Variants in SLC24A1 observed in about 807,000 individuals in gnomAD.
SLC24A1 encodes the protein sodium/potassium/calcium exchanger 1.
In SLC24A1, 52 loss-of-function variants were observed where a neutral mutation model predicts 88.1. That is an observed-to-expected ratio of 0.59 (90% CI 0.47 to 0.74). SLC24A1 has a LOEUF of 0.74. Among genes scored for constraint, SLC24A1 ranks in the 30% least tolerant of loss-of-function variants. SLC24A1 has a pLI of 0.00. For synonymous variants in SLC24A1, 455 were observed against 498.0 expected (o/e 0.91, Z 1.15); for missense variants, 1,173 against 1,363.3 (o/e 0.86, Z 2.20).
At position 65,654,440 on chromosome 15, in the gene SLC24A1, C is replaced by T; in HGVS notation, c.*361C>T. 1 of 1,165,788 alleles carries T rather than the reference C, an allele frequency of 8.6e-7. No individual in the cohort carries two copies. The highest frequency in any genetic ancestry group is 1.8e-5 in the South Asian group (1 of 55,340). 72.2% of individuals were successfully genotyped at this position (1,165,788 alleles called of 1,614,324 possible). Reference sequence around the variant, plus strand: ...AGACAAGCTCCTACGCTCACTGTTCCCTGATCATTCCAAAGGCTGCTGGCC... The same window carrying T: ...AGACAAGCTCCTACGCTCACTGTTCTCTGATCATTCCAAAGGCTGCTGGCC... On this transcript the variant is annotated 3_prime_UTR_variant, in exon 10 of 10. Coordinates refer to ENST00000261892, the MANE Select transcript of SLC24A1 (RefSeq NM_004727.3).
intron 2 of SLC24A1, among the ~76,000 whole-genome samples, chr15:65,614,405 G>C (rs1188626284): frequency 6.6e-6 from 1 of 152,154 alleles, no homozygotes; most frequent in Non-Finnish European, 1.5e-5. Context: ...ATATTCAGTT[G>C]TGTCATAAAT....
chr15:65,633,585 A>G (rs2074806198), intron 2 of SLC24A1, among the ~76,000 whole-genome samples: 1 of 151,830 alleles, frequency 6.6e-6, no homozygotes, highest in Admixed American at 6.6e-5. Context: ...GCTTAAACCC[A>G]GGAGGCAGAG....
downstream of SLC24A1, chr15:65,659,019 T>C (rs2075764492): frequency 6.6e-6 from 1 of 152,078 alleles, no homozygotes. Flanking sequence ...CAGCTGCATA[T>C]TTCTCCACCT....
In SLC24A1 at chr15:65,624,206, G is replaced by A; in HGVS notation, c.126G>A (p.Arg42=). 6.2e-7 allele frequency: 1 copy of A among 1,613,844 alleles called. No homozygotes were observed. Residue 42 remains arginine (R), a synonymous_variant, in exon 2 of 10, where the codon AGG becomes AGA. Transcript: ENST00000261892. ...LIIGSTYQHL[R]RPRGLSSLWA... ...TCGGTTCTACTTATCAGCACCTTAG[G>A]AGACCCCGGGGCCTTTCCTCATTGT... is the stretch of plus-strand genomic sequence containing the variant.
rs199960683 is a variant in SLC24A1, at chr15:65,650,639, C to A, written c.2490C>A (p.Ser830Arg). The A allele has an allele frequency of 3.2e-6, 5 of 1,549,288 alleles. No individual in the cohort carries two copies. The African/African-American group carries it at 4.1e-5, about 13-fold the overall frequency. ...EMKGNEGETE[S>R]QELSAENHGE... ...AAGGTAATGAAGGTGAAACTGAAAG[C>A]CAGGAACTCAGTGCTGAAAATCACG... The change falls in exon 7 of 10, where the codon AGC becomes AGA. Residue 830 changes from serine (S) to arginine (R), a missense_variant. Physicochemically the swap from Ser to Arg is moderately radical, Grantham distance 110 (BLOSUM62 -1). Transcript: ENST00000261892. This position sits in a 1 kb window ranked among gnomAD's most constrained non-coding sequence, Gnocchi z 4.1.
chr15:65,642,933 A>G (rs1335592076), intron 4 of SLC24A1: 7 of 1,108,098 alleles, frequency 6.3e-6, no homozygotes, highest in Non-Finnish European at 8.5e-6. Flanking sequence ...ATTATGGACT[A>G]GATGATCTCC....
intron 1 of SLC24A1, among the ~76,000 whole-genome samples, chr15:65,623,638 C>T (rs769480381): frequency 1.3e-5 from 2 of 152,146 alleles, no homozygotes; most frequent in Non-Finnish European, 2.9e-5. Context: ...TAGGCTTGGA[C>T]CTGAAGAGTA....
intron 2 of SLC24A1, among the ~76,000 whole-genome samples, chr15:65,629,231 CT>C (rs2074623064): frequency 6.6e-6 from 1 of 152,186 alleles, no homozygotes; most frequent in South Asian, 2.1e-4. Flanking sequence ...GCTGGAGCAT[CT>C]TTCACTTTAC....
At chr15:65,642,255 T>G (rs1422529160) in intron 4 of SLC24A1, among the ~76,000 whole-genome samples, 1 of 152,184 alleles carries the variant, frequency 6.6e-6, no homozygotes, top group Non-Finnish European at 1.5e-5. Flanking sequence ...TTTACAGGTG[T>G]TCCAGCTCTT....
rs968228669 is a variant in SLC24A1 at position 65,655,432 on chromosome 15, G to A, written c.*1353G>A. 5 of 985,240 alleles carry A rather than the reference G, an allele frequency of 5.1e-6. No homozygotes were observed. In the African/African-American group the frequency reaches 8.7e-5, roughly 17 times the overall value. 61.0% of individuals were successfully genotyped at this position (985,240 alleles called of 1,614,324 possible). The stretch of plus-strand genomic sequence containing the variant: ...GAGAAAAGTGCAGTACTACTTCCAA[G>A]GTAGCTAGTGTAAAGGACACTTGAG... On this transcript the variant is annotated 3_prime_UTR_variant, in exon 10 of 10. Transcript: ENST00000261892.
Position 65,625,094 on chromosome 15 carries a change from C to T in SLC24A1, c.1014C>T (p.Ala338=), listed in dbSNP as rs1163259208. The T allele has an allele frequency of 6.2e-7, 1 of 1,613,564 alleles. No homozygotes were observed. Among genetic ancestry groups the T allele is most frequent in the Non-Finnish European group, 8.5e-7 (1 of 1,179,896 alleles). ...GCAGCAGCCCAGCAGAAACCAAAGC[C>T]TTCACTGCTGCCTGGAGTCTTAGGA... ...MTGSSPAETK[A]FTAAWSLRNP... Residue 338 remains alanine, a synonymous_variant, in exon 2 of 10, where the codon GCC becomes GCT. Coordinates refer to ENST00000261892, the MANE Select transcript of SLC24A1 (RefSeq NM_004727.3).
In SLC24A1 at chr15:65,652,799, T is replaced by C; in HGVS notation, c.3041T>C (p.Ile1014Thr). The C allele has an allele frequency of 6.8e-6, 11 of 1,606,088 alleles. No individual in the cohort carries two copies. Among genetic ancestry groups the C allele is most frequent in the Non-Finnish European group, 8.5e-6 (10 of 1,173,836 alleles). Reference protein sequence around the residue: ...SSSVGSNIFDITVGLPVPWLL... With the variant: ...SSSVGSNIFDTTVGLPVPWLL... ...TCTGTGGGCAGTAACATATTTGATA[T>C]CACTGTGGGGTGAGTGGCAATGTAA... The change falls in exon 9 of 10, where the codon ATC (isoleucine) becomes ACC (threonine). Residue 1014 changes from isoleucine to threonine, a missense_variant. Physicochemically the swap from Ile to Thr is moderately conservative, Grantham distance 89 (BLOSUM62 -1). Transcript: ENST00000261892.
intron 4 of SLC24A1, among the ~76,000 whole-genome samples, chr15:65,642,190 G>A (rs2075151570): frequency 6.6e-6 from 1 of 152,212 alleles, no homozygotes; most frequent in Non-Finnish European, 1.5e-5. Flanking sequence ...CTCTCTAGAT[G>A]CACATTTGTG....
chr15:65,645,703 G>A lies in SLC24A1; in HGVS notation c.2232G>A (p.Gln744=). 1 of 1,567,004 alleles carries A rather than the reference G, an allele frequency of 6.4e-7. No individual in the cohort carries two copies. The highest frequency in any genetic ancestry group is 8.7e-7 in the Non-Finnish European group (1 of 1,155,504). ...ATCAGAAGGAGAATCCAGGCGGTCA[G>A]GTAGGCACCCAGCCTTGGCACAGAC... is the stretch of plus-strand genomic sequence containing the variant. The part of the protein sequence containing the change: ...KGDQKENPGG[Q]EDVAEAESTG... Residue 744 remains glutamine, a splice_region_variant and synonymous_variant, in exon 6 of 10, where the codon CAG becomes CAA. Coordinates refer to ENST00000261892, the MANE Select transcript of SLC24A1 (RefSeq NM_004727.3).
chr15:65,631,554 A>G (rs1182618070), intron 2 of SLC24A1, among the ~76,000 whole-genome samples: 2 of 152,180 alleles, frequency 1.3e-5, no homozygotes, highest in South Asian at 2.1e-4. Flanking sequence ...GCCAGTGACA[A>G]GAATTCCTGG....
Position 65,624,580 on chromosome 15 carries a change from CCCCAACA to C in SLC24A1, c.505_511del (p.Thr169GlyfsTer4), listed in dbSNP as rs745437732. ...AGCAGACAAATAGTAAAAAAGTATA[CCCCAACA>C]CCCAGGGGAGAAATGAAGAGCTACA... On this transcript the variant is annotated frameshift_variant, in exon 2 of 10. Transcript: ENST00000261892. LOFTEE classifies it high-confidence loss of function. 1 of 1,593,890 alleles carries C rather than the reference CCCCAACA, an allele frequency of 6.3e-7. No homozygotes were observed. The highest frequency in any genetic ancestry group is 8.5e-7 in the Non-Finnish European group (1 of 1,170,112).
At chr15:65,637,800 A>G (rs531825082) in intron 2 of SLC24A1, among the ~76,000 whole-genome samples, 10 of 152,302 alleles carry the variant, frequency 6.6e-5, no homozygotes, top group African/African-American at 2.2e-4. Context: ...GAGGAGGGAA[A>G]GAGCATTACG....
In SLC24A1 at chr15:65,655,791, T is replaced by C. The variant is rs1596360647; in HGVS notation, c.*1712T>C. ...TGAATTGCTTAATTAATTGCCTCGC[T>C]ACCCCAGGATTCTCATTCTTTGGAA... On this transcript the variant is annotated 3_prime_UTR_variant, in exon 10 of 10. Coordinates refer to ENST00000261892, the MANE Select transcript of SLC24A1 (RefSeq NM_004727.3). The C allele has an allele frequency of 1.0e-6, 1 of 985,144 alleles. No individual in the cohort carries two copies. Among genetic ancestry groups the C allele is most frequent in the Non-Finnish European group, 1.2e-6 (1 of 829,766 alleles). The allele number at this position is 985,144 out of a possible 1,614,324, so 61.0% of individuals were successfully genotyped here.
downstream of SLC24A1, among the ~76,000 whole-genome samples, chr15:65,657,093 A>T (rs1344109528): frequency 6.6e-6 from 1 of 151,394 alleles, no homozygotes; most frequent in Non-Finnish European, 1.5e-5. Flanking sequence ...CTGATCTCGA[A>T]CTCCTGAGCT....
Sources: allele counts gnomAD v4.1 joint callset (sites outside exome capture counted in the v4.1 genomes callset), GRCh38; gene constraint gnomAD v4.1.1; non-coding constraint Gnocchi (gnomAD v3.1); transcripts MANE v1.5; gene names NCBI Gene and HGNC (gene_info 2026-07-23, HGNC 2026-07-21).